Variants in PRICKLE2 observed in about 807,000 individuals in gnomAD.
The protein encoded by PRICKLE2 is prickle planar cell polarity protein 2.
A neutral mutation model predicts 81.4 loss-of-function variants in PRICKLE2; 21 were observed. That is an observed-to-expected ratio of 0.26 (90% CI 0.18 to 0.37). The LOEUF is 0.37. Ranked by LOEUF, PRICKLE2 falls within the 10% of genes least tolerant of loss-of-function variation. The pLI, the probability that PRICKLE2 is intolerant of heterozygous loss-of-function variation, is 1.00. For missense variants in PRICKLE2, 940 were observed against 1,109.0 expected, an observed-to-expected ratio of 0.85 and a Z score of 2.16; for synonymous variants, 456 against 421.5, an observed-to-expected ratio of 1.08 and a Z score of -1.00.
chr3:64,168,068 A>G (rs2077865386), intron 2 of PRICKLE2, among the ~76,000 whole-genome samples: 1 of 152,210 alleles, frequency 6.6e-6, no homozygotes, highest in Non-Finnish European at 1.5e-5. Flanking sequence ...GTCTCCTTCC[A>G]CACCTAGATA....
At chr3:64,112,140 T>C (rs1255365251) in intron 7 of PRICKLE2, among the ~76,000 whole-genome samples, 2 of 152,154 alleles carry the variant, frequency 1.3e-5, no homozygotes, top group African/African-American at 4.8e-5. Context: ...CCTTTTTAAG[T>C]TGGGATACAC....
intron 1 of PRICKLE2, among the ~76,000 whole-genome samples, chr3:64,212,493 C>T (rs184006046): frequency 2.0e-5 from 3 of 152,220 alleles, no homozygotes; most frequent in Admixed American, 6.5e-5. Context: ...AACACCTCTT[C>T]GTTTGCTTTT....
chr3:64,149,482 G>A (rs190884356), intron 6 of PRICKLE2, among the ~76,000 whole-genome samples: 100 of 152,354 alleles, frequency 6.6e-4, no homozygotes, highest in East Asian at 9.7e-4. Flanking sequence ...GCCCCTTCCC[G>A]TGGGGAGAGC....
At position 64,185,501 on chromosome 3, in the gene PRICKLE2, A is replaced by G. The variant is rs532475065; in HGVS notation, c.144+13283T>C. On this transcript the variant is annotated intron_variant, in intron 2 of 7. Transcript: ENST00000638394. ...ACTGAGTGCCAACTACGTGTTAGGC[A>G]CTGTCCTTGGGAGCTTAGAGATTAT... 1.6e-4 allele frequency among the ~76,000 whole-genome samples: 25 copies of G among 152,316 alleles called. No homozygotes were observed. In the South Asian group the frequency reaches 5.0e-3, roughly 30 times the overall value.
At chr3:64,150,930 A>T (rs1161860666) in intron 6 of PRICKLE2, among the ~76,000 whole-genome samples, 1 of 152,174 alleles carries the variant, frequency 6.6e-6, no homozygotes, top group African/African-American at 2.4e-5. Context: ...AACTCTAAAC[A>T]TCTGGAAAAG....
At chr3:64,162,790 G>C (rs989665991) in intron 3 of PRICKLE2, among the ~76,000 whole-genome samples, 2 of 152,184 alleles carry the variant, frequency 1.3e-5, no homozygotes, top group Non-Finnish European at 2.9e-5. Context: ...AGTAGTGCCA[G>C]GCATAGAGGC....
chr3:64,254,341 T>C (rs2079494241), intron 2 of PRICKLE2, among the ~76,000 whole-genome samples: 1 of 152,070 alleles, frequency 6.6e-6, no homozygotes, highest in South Asian at 2.1e-4. Context: ...TACCAGAGCA[T>C]CAAAACTCAG....
intron 7 of PRICKLE2, among the ~76,000 whole-genome samples, chr3:64,109,871 C>T (rs994821400): frequency 6.6e-6 from 1 of 152,228 alleles, no homozygotes; most frequent in African/African-American, 2.4e-5. Flanking sequence ...CTCTGACAGA[C>T]CCAGTACAGT....
intron 2 of PRICKLE2, among the ~76,000 whole-genome samples, chr3:64,231,458 T>G (rs2079099546): frequency 6.6e-6 from 1 of 152,210 alleles, no homozygotes; most frequent in Admixed American, 6.5e-5. Flanking sequence ...GAATTTTCTT[T>G]ATGTAAAGGA....
At chr3:64,139,382 C>G (rs2077326426) in intron 7 of PRICKLE2, among the ~76,000 whole-genome samples, 1 of 152,224 alleles carries the variant, frequency 6.6e-6, no homozygotes, top group South Asian at 2.1e-4. Flanking sequence ...TTTCCTCTGT[C>G]TCCCAGGACC....
chr3:64,211,879 T>C (rs1196830154), intron 1 of PRICKLE2, among the ~76,000 whole-genome samples: 1 of 152,046 alleles, frequency 6.6e-6, no homozygotes, highest in Non-Finnish European at 1.5e-5. Context: ...GAAAAAGTAG[T>C]CCTAACAGGT....
chr3:64,178,969 TTC>T (rs1491103191), intron 2 of PRICKLE2, among the ~76,000 whole-genome samples: 1 of 52,684 alleles, frequency 1.9e-5, no homozygotes, highest in Non-Finnish European at 3.8e-5. Flanking sequence ...CATATTTTCT[TTC>T]TTTCTTTCTT....
At chr3:64,265,765 T>C (rs1223548522) in intron 2 of PRICKLE2, among the ~76,000 whole-genome samples, 1 of 152,170 alleles carries the variant, frequency 6.6e-6, no homozygotes, top group Non-Finnish European at 1.5e-5. Context: ...GTTCAAACCT[T>C]TGCACCTCTC....
At chr3:64,211,210 C>A (rs1243859273) in intron 1 of PRICKLE2, among the ~76,000 whole-genome samples, 1 of 152,144 alleles carries the variant, frequency 6.6e-6, no homozygotes, top group Non-Finnish European at 1.5e-5. Flanking sequence ...GAAGCAGGAA[C>A]CATGAGTCCA....
At chr3:64,139,557 T>C (rs951774199) in intron 7 of PRICKLE2, among the ~76,000 whole-genome samples, 1 of 152,196 alleles carries the variant, frequency 6.6e-6, no homozygotes, top group Non-Finnish European at 1.5e-5. Flanking sequence ...CTTGCCCTTT[T>C]CCAATCAATT....
intron 7 of PRICKLE2, among the ~76,000 whole-genome samples, chr3:64,106,568 C>T (rs1234467554): frequency 1.3e-5 from 2 of 152,168 alleles, no homozygotes; most frequent in Admixed American, 6.5e-5. Context: ...ATTATCTGTG[C>T]CTCCAAACCG....
intron 2 of PRICKLE2, among the ~76,000 whole-genome samples, chr3:64,263,385 A>C (rs938102741): frequency 2.6e-5 from 4 of 152,212 alleles, no homozygotes; most frequent in African/African-American, 9.6e-5. Flanking sequence ...GCAATTAAGC[A>C]AGAAAAATCA....
chr3:64,233,838 G>T (rs1247473628), intron 2 of PRICKLE2, among the ~76,000 whole-genome samples: 1 of 152,102 alleles, frequency 6.6e-6, no homozygotes, highest in East Asian at 1.9e-4. Flanking sequence ...CTCCCCACTT[G>T]TCCCACTGCT....
intron 2 of PRICKLE2, among the ~76,000 whole-genome samples, chr3:64,255,866 C>A (rs1051951007): frequency 6.6e-6 from 1 of 152,182 alleles, no homozygotes; most frequent in African/African-American, 2.4e-5. Flanking sequence ...AAGAAAGTAT[C>A]TGTATACTGC....
Sources: allele counts gnomAD v4.1 joint callset (sites outside exome capture counted in the v4.1 genomes callset), GRCh38; gene constraint gnomAD v4.1.1; transcripts MANE v1.5; gene names NCBI Gene and HGNC (gene_info 2026-07-23, HGNC 2026-07-21).